The following SPOCK3 variants were observed in gnomAD, a reference collection of about 807,000 sequenced individuals.
The protein encoded by SPOCK3 is SPARC (osteonectin), cwcv and kazal like domains proteoglycan 3, also known as testican-3.
SPOCK3 carries 30 observed loss-of-function variants against 56.6 expected under a neutral mutation model. The observed-to-expected ratio is 0.53, with a 90% CI of 0.40 to 0.72. The LOEUF (loss-of-function observed/expected upper bound fraction) is 0.72, where lower values mean the gene tolerates loss of function less well. Ranked by LOEUF, SPOCK3 falls within the 30% of genes least tolerant of loss-of-function variation. The pLI is 0.00. For synonymous variants in SPOCK3, 196 were observed against 183.3 expected (o/e 1.07, Z -0.56); for missense variants, 527 against 530.0 (o/e 0.99, Z 0.06).
At chr4:167,196,421 G>A (rs1389286164) in intron 2 of SPOCK3, among the ~76,000 whole-genome samples, 1 of 151,528 alleles carries the variant, frequency 6.6e-6, no homozygotes, top group Non-Finnish European at 1.5e-5. Context: ...CCATGTGTCA[G>A]TAGTCTGGAC....
At chr4:167,234,216 GTCAAA>G (rs754566851) in intron 1 of SPOCK3, 43 bp from the exon 2 acceptor site, 2 of 1,598,318 alleles carry the variant, frequency 1.3e-6, no homozygotes, top group South Asian at 2.2e-5. Flanking sequence ...GCATGTCAGT[GTCAAA>G]TAAGGGGTAC....
intron 9 of SPOCK3, among the ~76,000 whole-genome samples, chr4:166,741,142 AAAG>A (rs1272048971): frequency 3.3e-5 from 5 of 152,252 alleles, no homozygotes; most frequent in Non-Finnish European, 5.9e-5. Flanking sequence ...ATATCCGTGA[AAAG>A]AAATATTGCA....
rs1746772479 is a variant in SPOCK3 at position 166,983,107 on chromosome 4, T to A, written c.350+17242A>T. Among the ~76,000 whole-genome samples, 3 of 152,166 alleles carry A rather than the reference T, an allele frequency of 2.0e-5. No individual in the cohort carries two copies. In the South Asian group the frequency reaches 6.2e-4, roughly 31 times the overall value. ...TGCAATCATTAACTTTCAGGACTTT[T>A]TCCACGTAGTATTGAGTCTATACCC... On this transcript the variant is annotated intron_variant, in intron 4 of 10. Transcript: ENST00000357545.
rs190530988 is a variant in SPOCK3 at position 167,095,239 on chromosome 4, C to T, written c.190-32702G>A. Among the ~76,000 whole-genome samples the T allele has an allele frequency of 6.1e-4, 93 of 152,218 alleles. 1 individual carries two copies. In the East Asian group the frequency reaches 0.017, roughly 29 times the overall value. ...ACCCTCTGGCCTAGTCAAGCTGACA[C>T]ATAAAATGAACCATCACAGATGGTT... On this transcript the variant is annotated intron_variant, in intron 2 of 10. Coordinates refer to ENST00000357545, the MANE Select transcript of SPOCK3 (RefSeq NM_001040159.2).
At chr4:167,173,643 T>C (rs957960607) in intron 2 of SPOCK3, among the ~76,000 whole-genome samples, 1 of 152,170 alleles carries the variant, frequency 6.6e-6, no homozygotes, top group African/African-American at 2.4e-5. Context: ...AGCTTTCTTT[T>C]CTTAATCGAA....
chr4:166,790,950 T>C (rs1432155085), intron 7 of SPOCK3, among the ~76,000 whole-genome samples: 1 of 152,184 alleles, frequency 6.6e-6, no homozygotes, highest in Non-Finnish European at 1.5e-5. Flanking sequence ...GAGGCAAATA[T>C]ACTGAATCAT....
At chr4:166,776,672 C>G (rs1398390840) in intron 7 of SPOCK3, among the ~76,000 whole-genome samples, 3 of 152,064 alleles carry the variant, frequency 2.0e-5, no homozygotes, top group Non-Finnish European at 4.4e-5. Context: ...AAGGAAAATA[C>G]TTAACAACAC....
chr4:166,913,635 G>A (rs1737520822), intron 4 of SPOCK3, among the ~76,000 whole-genome samples: 1 of 151,922 alleles, frequency 6.6e-6, no homozygotes, highest in Non-Finnish European at 1.5e-5. Context: ...TTCTTTTCAT[G>A]AATATGTCAA....
intron 7 of SPOCK3, among the ~76,000 whole-genome samples, chr4:166,765,820 C>G (rs559398277): frequency 2.8e-4 from 43 of 152,360 alleles, no homozygotes; most frequent in Admixed American, 1.2e-3. Context: ...TATCCATGAG[C>G]ATGGAATGTT....
At chr4:166,775,427 G>A (rs1354185763) in intron 7 of SPOCK3, among the ~76,000 whole-genome samples, 4 of 152,156 alleles carry the variant, frequency 2.6e-5, no homozygotes, top group African/African-American at 9.7e-5. Flanking sequence ...CAGCAGAAGA[G>A]TGGGTTTGTG....
intron 8 of SPOCK3, among the ~76,000 whole-genome samples, chr4:166,751,944 C>A (rs1046493926): frequency 6.6e-6 from 1 of 152,114 alleles, no homozygotes; most frequent in Admixed American, 6.6e-5. Flanking sequence ...GCCATAGAAA[C>A]AAATTTGTTT....
At chr4:167,117,595 C>G (rs573042037) in intron 2 of SPOCK3, among the ~76,000 whole-genome samples, 1 of 152,238 alleles carries the variant, frequency 6.6e-6, no homozygotes, top group South Asian at 2.1e-4. Flanking sequence ...GTGGACAGAA[C>G]ATGCCCTGGG....
intron 3 of SPOCK3, among the ~76,000 whole-genome samples, chr4:167,004,850 T>TG (rs773820538): frequency 6.6e-4 from 100 of 152,338 alleles, no homozygotes; most frequent in Non-Finnish European, 9.4e-4. Context: ...GTTAAGGTGA[T>TG]GACCTTATCT....
chr4:166,753,822 CT>C (rs755618702), intron 8 of SPOCK3, among the ~76,000 whole-genome samples: 34 of 151,832 alleles, frequency 2.2e-4, no homozygotes, highest in Non-Finnish European at 2.8e-4. Flanking sequence ...GTTTTTTCCC[CT>C]ATTCATATTT....
chr4:166,893,932 A>G (rs2127025317), intron 5 of SPOCK3, among the ~76,000 whole-genome samples: 1 of 152,248 alleles, frequency 6.6e-6, no homozygotes. Context: ...TCCCTATTGA[A>G]TGGTGTTCTC....
At chr4:167,154,788 C>T (rs1344534423) in intron 2 of SPOCK3, among the ~76,000 whole-genome samples, 1 of 152,006 alleles carries the variant, frequency 6.6e-6, no homozygotes, top group African/African-American at 2.4e-5. Flanking sequence ...TTATTGGAGT[C>T]CATGGTTGAG....
chr4:167,032,410 C>T (rs1373013703), intron 3 of SPOCK3, among the ~76,000 whole-genome samples: 2 of 151,952 alleles, frequency 1.3e-5, no homozygotes, highest in Non-Finnish European at 1.5e-5. Context: ...AAGCTTGGCA[C>T]CGCTCTGCTG....
chr4:167,059,552 T>A (rs1580162071), intron 3 of SPOCK3, among the ~76,000 whole-genome samples: 1 of 152,192 alleles, frequency 6.6e-6, no homozygotes, highest in African/African-American at 2.4e-5. Flanking sequence ...ACACTGTTGT[T>A]GGGACTGTAA....
intron 2 of SPOCK3, among the ~76,000 whole-genome samples, chr4:167,220,378 CTTTTT>C (rs61002914): frequency 7.7e-6 from 1 of 130,070 alleles, no homozygotes. Context: ...ACTGTAAGAA[CTTTTT>C]TTTTTTTTTT....
Sources: gnomAD v4.1 joint callset for allele counts (sites outside exome capture counted in the v4.1 genomes callset) on GRCh38, gnomAD v4.1.1 for gene constraint, MANE v1.5 for transcripts, NCBI Gene and HGNC (gene_info 2026-07-23, HGNC 2026-07-21) for gene names.